The following PTPRD variants were observed in gnomAD, a reference collection of about 807,000 sequenced individuals.
The protein encoded by PTPRD is protein tyrosine phosphatase receptor type D.
A neutral mutation model predicts 214.5 loss-of-function variants in PTPRD; 34 were observed. That is an observed-to-expected ratio of 0.16 (90% confidence interval 0.12 to 0.21). The LOEUF (loss-of-function observed/expected upper bound fraction) is 0.21, where lower values mean the gene tolerates loss of function less well. PTPRD is among the 10% of genes least tolerant of loss of function. PTPRD has a pLI of 1.00. For synonymous variants in PTPRD, 1,128 were observed against 845.7 expected, an observed-to-expected ratio of 1.33 and a Z score of -5.79; for missense variants, 2,545 against 2,398.7, an observed-to-expected ratio of 1.06 and a Z score of -1.27.
At position 9,529,348 on chromosome 9, in the gene PTPRD, C is replaced by T. The variant is rs181707135; in HGVS notation, c.-237+45384G>A. 3.6e-3 allele frequency among the ~76,000 whole-genome samples: 533 copies of T among 148,818 alleles called. 4 individuals are homozygous for T. Among genetic ancestry groups the T allele is most frequent in the Non-Finnish European group, 4.4e-3 (296 of 67,160 alleles). On this transcript the variant is annotated intron_variant, in intron 8 of 45. Coordinates refer to ENST00000381196, the MANE Select transcript of PTPRD (RefSeq NM_002839.4). ...GAAAGACTAGTAACAAAATAAAAGG[C>T]AAGCCAAACTAAGGCTGGGTGAAAT...
chr9:10,266,079 C>G (rs1300051561), intron 3 of PTPRD, among the ~76,000 whole-genome samples: 3 of 151,984 alleles, frequency 2.0e-5, no homozygotes, highest in Admixed American at 2.0e-4. Context: ...TTTCATGGCC[C>G]TATGGAGACC....
chr9:8,509,496 C>A (rs1024625113), intron 21 of PTPRD, among the ~76,000 whole-genome samples: 2 of 152,218 alleles, frequency 1.3e-5, no homozygotes, highest in African/African-American at 4.8e-5. Context: ...CTGACTCAAA[C>A]CAAACCGGAC....
intron 3 of PTPRD, among the ~76,000 whole-genome samples, chr9:10,296,945 C>T (rs1024494500): frequency 1.3e-5 from 2 of 151,556 alleles, no homozygotes. Flanking sequence ...TACAATATTT[C>T]CCATTCTTCA....
At chr9:9,063,853 TC>T (rs909694465) in intron 10 of PTPRD, among the ~76,000 whole-genome samples, 2 of 152,192 alleles carry the variant, frequency 1.3e-5, no homozygotes, top group Admixed American at 6.5e-5. Flanking sequence ...TTTTGCCAGG[TC>T]ATTAGATAAG....
At chr9:9,908,627 T>G (rs909056940) in intron 5 of PTPRD, among the ~76,000 whole-genome samples, 1 of 152,044 alleles carries the variant, frequency 6.6e-6, no homozygotes, top group African/African-American at 2.4e-5. Flanking sequence ...TAGTTGTCTA[T>G]GCAGTCTTTA....
chr9:10,400,069 G>A (rs769265641), intron 2 of PTPRD, among the ~76,000 whole-genome samples: 4 of 151,786 alleles, frequency 2.6e-5, no homozygotes, highest in Admixed American at 1.3e-4. Context: ...ATTTTATAGA[G>A]CATAACTCCG....
At chr9:9,795,496 C>T (rs1425087827) in intron 5 of PTPRD, among the ~76,000 whole-genome samples, 2 of 151,928 alleles carry the variant, frequency 1.3e-5, no homozygotes, top group Non-Finnish European at 2.9e-5. Context: ...GAGGAAAATT[C>T]GTATTCATGA....
intron 42 of PTPRD, among the ~76,000 whole-genome samples, chr9:8,339,377 GTCC>G (rs766311225): frequency 6.6e-5 from 10 of 152,030 alleles, no homozygotes; most frequent in Non-Finnish European, 1.3e-4. Flanking sequence ...AATTACATCA[GTCC>G]TTGGACAATG....
intron 2 of PTPRD, among the ~76,000 whole-genome samples, chr9:10,488,150 A>G (rs985851311): frequency 9.9e-5 from 15 of 151,796 alleles, no homozygotes; most frequent in Non-Finnish European, 1.5e-4. Flanking sequence ...GGTGGATCAC[A>G]AGGTCAGGAG....
intron 16 of PTPRD, 34 bp from the exon 17 acceptor site, chr9:8,526,678 AAAG>A (rs1477059561): frequency 6.4e-6 from 10 of 1,563,968 alleles, no homozygotes; most frequent in Non-Finnish European, 7.8e-6. Flanking sequence ...ATAAGATTAG[AAAG>A]AAGAAGCATT....
At chr9:9,762,383 G>A (rs537193167) in intron 6 of PTPRD, among the ~76,000 whole-genome samples, 4 of 152,226 alleles carry the variant, frequency 2.6e-5, no homozygotes, top group African/African-American at 9.6e-5. Context: ...TTCAGAGTAC[G>A]CTTGCTTTTT....
chr9:10,446,035 A>C (rs1236204777), intron 2 of PTPRD, among the ~76,000 whole-genome samples: 1 of 152,054 alleles, frequency 6.6e-6, no homozygotes, highest in Non-Finnish European at 1.5e-5. Flanking sequence ...AAGATTCTTA[A>C]CACAGGATCC....
rs187217788 is a variant in PTPRD at position 10,475,017 on chromosome 9, C to T, written c.-599-134000G>A. On this transcript the variant is annotated intron_variant, in intron 2 of 45. Transcript: ENST00000381196. ...GAGGGAAATGTATAGTACTAAATGT[C>T]CACAGGAGAAAGCAAGAAAGATCTA... Among the ~76,000 whole-genome samples the T allele has an allele frequency of 9.2e-5, 14 of 152,172 alleles. No individual in the cohort carries two copies. The East Asian group carries it at 9.6e-4, about 10-fold the overall frequency.
At position 10,512,597 on chromosome 9, in the gene PTPRD, T is replaced by G. The variant is rs959828083; in HGVS notation, c.-600+99801A>C. 1.6e-4 allele frequency among the ~76,000 whole-genome samples: 24 copies of G among 152,158 alleles called. 2 individuals carry two copies. Among genetic ancestry groups the G allele is most frequent in the Admixed American group, 1.4e-3 (22 of 15,260 alleles). ...ATCAAAGTTGAACGCACAAGTACCT[T>G]CATTTCTCATGGTGAGTCAGGTTTC... On this transcript the variant is annotated intron_variant, in intron 2 of 45. Transcript: ENST00000381196.
chr9:8,720,330 G>C (rs1437003454), intron 12 of PTPRD, among the ~76,000 whole-genome samples: 2 of 152,212 alleles, frequency 1.3e-5, no homozygotes, highest in Non-Finnish European at 2.9e-5. Context: ...GAAAGTAGAA[G>C]CTTCCAGGCT....
intron 3 of PTPRD, among the ~76,000 whole-genome samples, chr9:10,324,298 A>G (rs1391839259): frequency 1.3e-5 from 2 of 152,064 alleles, no homozygotes; most frequent in Non-Finnish European, 2.9e-5. Context: ...AAATAGTATC[A>G]ATGCAGATAT....
chr9:9,007,021 G>A (rs1180483235), intron 11 of PTPRD, among the ~76,000 whole-genome samples: 1 of 151,852 alleles, frequency 6.6e-6, no homozygotes, highest in African/African-American at 2.4e-5. Flanking sequence ...CCTATTTATA[G>A]CAAGTAAAAA....
At chr9:9,384,549 TCTTGG>T (rs1461356931) in intron 9 of PTPRD, among the ~76,000 whole-genome samples, 1 of 151,626 alleles carries the variant, frequency 6.6e-6, no homozygotes, top group Non-Finnish European at 1.5e-5. Flanking sequence ...CCTTTCATGG[TCTTGG>T]CACTTGTAAC....
chr9:9,611,351 C>T (rs2094502179), intron 7 of PTPRD, among the ~76,000 whole-genome samples: 1 of 152,048 alleles, frequency 6.6e-6, no homozygotes, highest in Non-Finnish European at 1.5e-5. Flanking sequence ...GAATGAAGAG[C>T]ATTGATGCTG....
Sources: gnomAD v4.1 joint callset for allele counts (sites outside exome capture counted in the v4.1 genomes callset) on GRCh38, gnomAD v4.1.1 for gene constraint, MANE v1.5 for transcripts, NCBI Gene and HGNC (gene_info 2026-07-23, HGNC 2026-07-21) for gene names.